The following TTC23L variants were observed in gnomAD, a reference collection of about 807,000 sequenced individuals.
TTC23L encodes tetratricopeptide repeat domain 23 like.
A neutral mutation model predicts 48.1 loss-of-function variants in TTC23L; 42 were observed. The observed-to-expected ratio is 0.87, with a 90% CI of 0.68 to 1.13. The LOEUF (loss-of-function observed/expected upper bound fraction) is 1.13, where lower values mean the gene tolerates loss of function less well. Among genes scored for constraint, TTC23L ranks in the 50% most tolerant of loss-of-function variants. The pLI is 0.00. For missense variants in TTC23L, 391 were observed against 421.0 expected (o/e 0.93, Z 0.62); for synonymous variants, 159 against 157.2 (o/e 1.01, Z -0.09).
the TTC23L span, chr5:34,911,644 T>C: frequency 6.2e-7 from 1 of 1,614,154 alleles, no homozygotes; most frequent in Non-Finnish European, 8.5e-7. Flanking sequence ...CCCCTCTGAC[T>C]GCAGAATAAT....
chr5:34,912,817 T>C, the TTC23L span, among the ~76,000 whole-genome samples: 1 of 152,144 alleles, frequency 6.6e-6, no homozygotes, highest in African/African-American at 2.4e-5. Context: ...CTGGCTAATA[T>C]GGTGAAACCC....
the TTC23L span, chr5:34,914,410 C>T: frequency 2.5e-6 from 1 of 403,110 alleles, no homozygotes; most frequent in East Asian, 5.3e-5. Flanking sequence ...AATAAGAAGA[C>T]TGTAGCCTAG....
the TTC23L span, chr5:34,925,638 G>T: frequency 1.5e-6 from 1 of 647,924 alleles, no homozygotes; most frequent in Non-Finnish European, 2.4e-6. Flanking sequence ...TAAAATCAGT[G>T]ATTATCTTTT....
At chr5:34,925,229 C>A in the TTC23L span, 3 of 1,511,198 alleles carry the variant, frequency 2.0e-6, no homozygotes, top group Non-Finnish European at 1.8e-6. Flanking sequence ...TTTTTAGCAT[C>A]GGCGTGTCAT....
At chr5:34,894,013 C>G (rs1252782086) in intron 9 of TTC23L, among the ~76,000 whole-genome samples, 5 of 152,130 alleles carry the variant, frequency 3.3e-5, no homozygotes, top group African/African-American at 1.2e-4. Context: ...GAAAACCCAG[C>G]TCTGTCAAAA....
At chr5:34,864,410 G>A (rs1258983024) in intron 5 of TTC23L, 27 bp from the exon 6 acceptor site, 2 of 1,612,496 alleles carry the variant, frequency 1.2e-6, no homozygotes, top group East Asian at 4.5e-5. Flanking sequence ...TAGTTTGAGT[G>A]CTTGCCATTT....
At chr5:34,884,745 C>A (rs1361287251) in intron 9 of TTC23L, among the ~76,000 whole-genome samples, 2 of 151,866 alleles carry the variant, frequency 1.3e-5, no homozygotes, top group African/African-American at 4.8e-5. Context: ...GACTTATACA[C>A]TGAAAAAAAT....
At chr5:34,910,479 G>C in the TTC23L span, among the ~76,000 whole-genome samples, 1 of 151,250 alleles carries the variant, frequency 6.6e-6, no homozygotes, top group South Asian at 2.1e-4. Context: ...CCAGGCTGGA[G>C]TGCAGTGGCG....
chr5:34,906,438 AG>A, the TTC23L span: 2 of 152,076 alleles, frequency 1.3e-5, no homozygotes, highest in East Asian at 3.9e-4. Flanking sequence ...CAGGAGTTCA[AG>A]ATTAGCCTAG....
chr5:34,922,563 A>G, the TTC23L span: 1 of 1,609,558 alleles, frequency 6.2e-7, no homozygotes, highest in Non-Finnish European at 8.5e-7. Context: ...CTCACGGACC[A>G]TCTGCTAAAT....
downstream of TTC23L, among the ~76,000 whole-genome samples, chr5:34,901,776 AAAC>A (rs1325976043): frequency 4.6e-5 from 7 of 151,890 alleles, no homozygotes; most frequent in African/African-American, 1.2e-4. Flanking sequence ...AACAAAAACA[AAAC>A]AACAACAAAA....
chr5:34,868,676 C>A, intron 7 of TTC23L: 4 of 402,802 alleles, frequency 9.9e-6, no homozygotes, highest in South Asian at 3.4e-5. Context: ...GAGAACTTAC[C>A]ACGTGATGAG....
At chr5:34,922,318 C>G in the TTC23L span, 2 of 1,341,976 alleles carry the variant, frequency 1.5e-6, no homozygotes, top group African/African-American at 1.5e-5. Flanking sequence ...TTTGGTTAAA[C>G]TCATTTAAGT....
rs1580496522 is a variant in TTC23L at position 34,896,698 on chromosome 5, G to A, written c.1078-72G>A. The A allele has an allele frequency of 3.8e-5, 28 of 744,184 alleles. No homozygotes were observed. The East Asian group carries it at 7.0e-4, about 19-fold the overall frequency. 46.1% of individuals were successfully genotyped at this position (744,184 alleles called of 1,614,324 possible). On this transcript the variant is annotated intron_variant, in intron 9 of 10. Transcript: ENST00000505624. ...TCTGGAATAGCATTCTCAGTGCAAT[G>A]AAAGGAGAGACAATCTATGAGAATT...
chr5:34,866,336 T>G (rs1267727141), intron 6 of TTC23L, among the ~76,000 whole-genome samples: 1 of 152,250 alleles, frequency 6.6e-6, no homozygotes, highest in Non-Finnish European at 1.5e-5. Context: ...TTAGCACATT[T>G]TTAATATCTT....
intron 10 of TTC23L, among the ~76,000 whole-genome samples, chr5:34,897,377 G>A (rs556950636): frequency 1.1e-4 from 16 of 151,422 alleles, no homozygotes; most frequent in African/African-American, 3.9e-4. Flanking sequence ...GAGCAAGACT[G>A]TCTCCTAAAG....
chr5:34,883,105 C>G (rs1762341181), intron 9 of TTC23L: 1 of 152,228 alleles, frequency 6.6e-6, no homozygotes, highest in African/African-American at 2.4e-5. Flanking sequence ...TACATGTTCT[C>G]TAGGGCTTTT....
chr5:34,898,036 T>C (rs1253503157), intron 10 of TTC23L, among the ~76,000 whole-genome samples: 1 of 152,234 alleles, frequency 6.6e-6, no homozygotes, highest in Non-Finnish European at 1.5e-5. Flanking sequence ...AATCCTGGTT[T>C]CTTCATCTAT....
chr5:34,909,414 C>T, the TTC23L span: 1 of 1,228,870 alleles, frequency 8.1e-7, no homozygotes, highest in Non-Finnish European at 1.2e-6. Flanking sequence ...ACATTAGGAT[C>T]CAAATAAAGA....
Sources: allele counts gnomAD v4.1 joint callset (sites outside exome capture counted in the v4.1 genomes callset), GRCh38; gene constraint gnomAD v4.1.1; transcripts MANE v1.5; gene names NCBI Gene and HGNC (gene_info 2026-07-23, HGNC 2026-07-21).